BRWD1: variants seen among roughly 807,000 people sequenced by gnomAD.
The protein encoded by BRWD1 is bromodomain and WD repeat-containing protein 1.
Under a neutral mutation model 251.2 loss-of-function variants are expected in BRWD1, and 82 were observed. The observed-to-expected ratio is 0.33, with a 90% CI of 0.27 to 0.39. The LOEUF is 0.39. BRWD1 is among the 10% of genes least tolerant of loss of function. The pLI is 1.00. For missense variants in BRWD1, 2,233 were observed against 2,711.6 expected, an observed-to-expected ratio of 0.82 and a Z score of 3.92; for synonymous variants, 918 against 902.8, an observed-to-expected ratio of 1.02 and a Z score of -0.30.
At position 39,295,755 on chromosome 21, in the gene BRWD1, A is replaced by G. The variant is rs1366891493; in HGVS notation, c.597T>C (p.His199=). 1 of 1,589,552 alleles carries G rather than the reference A, an allele frequency of 6.3e-7. No individual in the cohort carries two copies. Among genetic ancestry groups the G allele is most frequent in the Non-Finnish European group, 8.6e-7 (1 of 1,167,028 alleles). ...AATTTTTACTCACTGTAAAGATTCT[A>G]TGTCCTGTCCTATCAAATGCTACAC... The part of the protein sequence containing the change: ...VYCVAFDRTG[H]RIFTGSDDCL... The change falls in exon 7 of 41, where the codon CAT becomes CAC. Residue 199 remains histidine, a synonymous_variant. Coordinates refer to ENST00000342449, the MANE Select transcript of BRWD1 (RefSeq NM_033656.4).
intron 9 of BRWD1, among the ~76,000 whole-genome samples, chr21:39,279,046 T>C (rs560021304): frequency 6.6e-6 from 1 of 152,328 alleles, no homozygotes; most frequent in East Asian, 1.9e-4. Flanking sequence ...CTTATTTCTA[T>C]AATACCTTAT....
At position 39,313,589 on chromosome 21, in the gene BRWD1, GCGC is replaced by G. The variant is rs75090981; in HGVS notation, c.-101_-99del. ...GCTGGCGTCCCCTCTTCTCAGGCGC[GCGC>G]CGCCGCCGCCGCCGCCGCCGCCATA... is the stretch of plus-strand genomic sequence containing the variant. On this transcript the variant is annotated 5_prime_UTR_variant, in exon 1 of 41. Coordinates refer to ENST00000342449, the MANE Select transcript of BRWD1 (RefSeq NM_033656.4). The G allele has an allele frequency of 0.39, 252,764 of 646,918 alleles. 52,505 individuals carry two copies. Among genetic ancestry groups the G allele is most frequent in the African/African-American group, 0.6 (30,687 of 51,272 alleles). 40.1% of individuals were successfully genotyped at this position (646,918 alleles called of 1,614,324 possible).
Position 39,224,569 on chromosome 21 carries a change from C to T in BRWD1, c.3321-100G>A, listed in dbSNP as rs187819530. ...ATACAAAATGTGAAAATTAACCTCA[C>T]TGCAGCAGTACAATTTTAAATATTA... On this transcript the variant is annotated intron_variant, in intron 28 of 40. Transcript: ENST00000342449. 2.6e-4 allele frequency: 186 copies of T among 713,968 alleles called. No individual in the cohort carries two copies. In the African/African-American group the frequency reaches 3.0e-3, roughly 11 times the overall value. 44.2% of individuals were successfully genotyped at this position (713,968 alleles called of 1,614,324 possible).
At chr21:39,297,718 G>C (rs1396480873) in intron 5 of BRWD1, 3 of 325,536 alleles carry the variant, frequency 9.2e-6, no homozygotes, top group African/African-American at 6.7e-5. Context: ...GTGCAGCTAA[G>C]AGTAGCATCA....
upstream of BRWD1, chr21:39,313,886 G>A (rs1302284128): frequency 2.2e-5 from 7 of 323,060 alleles, no homozygotes; most frequent in Admixed American, 2.1e-4. Context: ...CAATGAGGCG[G>A]CTGCCCGGGC....
At chr21:39,184,854 G>A (rs547840547), downstream of BRWD1, 1 of 152,154 alleles carries the variant, frequency 6.6e-6, no homozygotes, top group South Asian at 2.1e-4. Context: ...GGGTTAACTG[G>A]TCTATTATGA....
chr21:39,211,045 T>G (rs1297224710), intron 34 of BRWD1, 116 bp from the exon 35 acceptor site: 34 of 1,044,926 alleles, frequency 3.3e-5, no homozygotes, highest in Non-Finnish European at 4.0e-5. Context: ...TATGTTGCTC[T>G]CAACACATTT....
rs1232270502 is a variant in BRWD1, at chr21:39,196,394, A to G, written c.6675T>C (p.Tyr2225=). The G allele has an allele frequency of 3.7e-6, 6 of 1,613,676 alleles. No individual in the cohort carries two copies. Among genetic ancestry groups the G allele is most frequent in the African/African-American group, 1.3e-5 (1 of 74,912 alleles). The change falls in exon 41 of 41, where the codon TAT becomes TAC. Residue 2225 remains tyrosine (Y), a synonymous_variant. Transcript: ENST00000342449. ...VDDNDWEDLD[Y]AKSKRVLRRS... is the part of the protein sequence containing the mutation. ...GTCGAAGAACTCTTTTAGATTTTGC[A>G]TAGTCCAAATCCTCCCAGTCATTAT...
At chr21:39,300,694 T>A (rs955073570) in intron 4 of BRWD1, among the ~76,000 whole-genome samples, 4 of 152,030 alleles carry the variant, frequency 2.6e-5, no homozygotes, top group African/African-American at 9.7e-5. Flanking sequence ...CTCAAAAAAA[T>A]GATGAGATAC....
chr21:39,284,095 T>C (rs1445126787), intron 8 of BRWD1, among the ~76,000 whole-genome samples: 1 of 152,184 alleles, frequency 6.6e-6, no homozygotes, highest in Non-Finnish European at 1.5e-5. Flanking sequence ...AGTGGTAAAA[T>C]AAGCACTCTT....
chr21:39,198,302 G>A (rs940527767), intron 40 of BRWD1, among the ~76,000 whole-genome samples: 6 of 152,120 alleles, frequency 3.9e-5, no homozygotes, highest in African/African-American at 1.2e-4. Flanking sequence ...CTTATTAATG[G>A]AAAACATTTA....
intron 4 of BRWD1, among the ~76,000 whole-genome samples, chr21:39,306,666 A>G (rs2036298058): frequency 6.6e-6 from 1 of 152,194 alleles, no homozygotes; most frequent in Non-Finnish European, 1.5e-5. Flanking sequence ...AGATTTAAAG[A>G]AATATATTGG....
chr21:39,270,089 T>C (rs1356121888), intron 14 of BRWD1, 56 bp from the exon 15 acceptor site: 2 of 1,418,024 alleles, frequency 1.4e-6, no homozygotes, highest in Admixed American at 2.5e-5. Context: ...AAATTGAAAA[T>C]TTAAAAATAC....
In BRWD1 at chr21:39,190,410, C is replaced by A. The variant is rs778164652; in HGVS notation, c.*5849G>T. On this transcript the variant is annotated 3_prime_UTR_variant, in exon 41 of 41. Coordinates refer to ENST00000342449, the MANE Select transcript of BRWD1 (RefSeq NM_033656.4). ...AGATTTGAGAATGAGAAAAGAATGTCTGACTCAAAATGAAAACATACTAGC... is the reference window on the plus strand; with the variant it reads ...AGATTTGAGAATGAGAAAAGAATGTATGACTCAAAATGAAAACATACTAGC... The A allele has an allele frequency of 2.6e-5, 26 of 985,212 alleles. No homozygotes were observed. The highest frequency in any genetic ancestry group is 3.0e-5 in the Non-Finnish European group (25 of 829,896). The allele number at this position is 985,212 out of a possible 1,614,324, so 61.0% of individuals were successfully genotyped here.
At chr21:39,259,694 G>C (rs763665961) in intron 17 of BRWD1, among the ~76,000 whole-genome samples, 2 of 152,018 alleles carry the variant, frequency 1.3e-5, no homozygotes, top group Non-Finnish European at 2.9e-5. Context: ...AAAATTAGCC[G>C]GGCCTGGTGG....
intron 7 of BRWD1, among the ~76,000 whole-genome samples, chr21:39,294,448 G>A (rs1045427982): frequency 1.3e-5 from 2 of 151,822 alleles, no homozygotes; most frequent in Non-Finnish European, 2.9e-5. Flanking sequence ...ACAAGGTCAG[G>A]AGATCGAGAC....
intron 34 of BRWD1, 120 bp from the exon 35 acceptor site, chr21:39,211,049 C>T: frequency 1.0e-6 from 1 of 1,003,498 alleles, no homozygotes. Flanking sequence ...TTGCTCTCAA[C>T]ACATTTTTCC....
intron 25 of BRWD1, among the ~76,000 whole-genome samples, chr21:39,229,802 T>C (rs1057352374): frequency 4.6e-5 from 7 of 152,182 alleles, no homozygotes; most frequent in Non-Finnish European, 1.0e-4. Context: ...AGCACAATCA[T>C]GGCTCACTGC....
rs1456379422 is a variant in BRWD1, at chr21:39,188,826, CAT to C, written c.*7431_*7432del. The C allele has an allele frequency of 4.1e-6, 4 of 985,296 alleles. No homozygotes were observed. The highest frequency in any genetic ancestry group is 4.7e-5 in the South Asian group (1 of 21,288). The allele number at this position is 985,296 out of a possible 1,614,324, so 61.0% of individuals were successfully genotyped here. On this transcript the variant is annotated 3_prime_UTR_variant, in exon 41 of 41. Transcript: ENST00000342449. Reference sequence around the variant, plus strand: ...TTTGCCAACTAACTTATGTGATTCACATGTTTTTCCAGTGAAATTCTAAGGGC... The same window carrying C: ...TTTGCCAACTAACTTATGTGATTCACGTTTTTCCAGTGAAATTCTAAGGGC...
Sources: allele counts gnomAD v4.1 joint callset (sites outside exome capture counted in the v4.1 genomes callset), GRCh38; gene constraint gnomAD v4.1.1; transcripts MANE v1.5; gene names NCBI Gene and HGNC (gene_info 2026-07-23, HGNC 2026-07-21).